The following SEC16A variants were observed in gnomAD, a reference collection of about 807,000 sequenced individuals.
SEC16A encodes SEC16 homolog A, endoplasmic reticulum export factor.
SEC16A carries 110 observed loss-of-function variants against 221.9 expected under a neutral mutation model. The ratio of observed to expected loss-of-function variants is 0.50; its 90% confidence interval spans 0.42 to 0.58. The LOEUF (loss-of-function observed/expected upper bound fraction) is 0.58. Among genes scored for constraint, SEC16A ranks in the 20% least tolerant of loss-of-function variants. The pLI, the probability that SEC16A is intolerant of heterozygous loss-of-function variation, is 0.00. For missense variants in SEC16A, 3,165 were observed against 3,097.8 expected (o/e 1.02, Z -0.52); for synonymous variants, 1,393 against 1,257.7 (o/e 1.11, Z -2.28).
chr9:136,463,392 G>A, intron 11 of SEC16A, 71 bp downstream of exon 11: 1 of 1,570,512 alleles, frequency 6.4e-7, no homozygotes, highest in Non-Finnish European at 8.7e-7. Flanking sequence ...GCTCCTTCGG[G>A]AGGCTGAGCA....
upstream of SEC16A, chr9:136,483,139 A>G: frequency 2.1e-6 from 1 of 469,076 alleles, no homozygotes; most frequent in Non-Finnish European, 2.7e-6. Context: ...GTCGGCCCAG[A>G]CGCGTTCTCT....
intron 13 of SEC16A, among the ~76,000 whole-genome samples, chr9:136,460,904 C>T (rs1478660412): frequency 6.6e-6 from 1 of 152,134 alleles, no homozygotes; most frequent in Non-Finnish European, 1.5e-5. Context: ...CAGAGCAAAA[C>T]TCAAAATTTA....
Position 136,472,008 on chromosome 9 carries a change from C to A in SEC16A, c.3671G>T (p.Arg1224Leu), listed in dbSNP as rs376239396. ...TGGCCGTTCCGAGGAGTGGCTGGCT[C>A]GGGAGCTGGGCCGCTCGGGCTCGGG... ...RYPEPERPSS[R>L]ASHSSERPPP... Residue 1224 changes from arginine to leucine, a missense_variant, in exon 4 of 32, where the codon CGA (arginine) becomes CTA (leucine). Around this residue, in one of 3 missense-constraint regions of SEC16A, gnomAD observed 2,030 missense variants for 1,923.1 expected, o/e 1.06. Transcript: ENST00000684901. The A allele has an allele frequency of 6.2e-7, 1 of 1,611,732 alleles. No individual in the cohort carries two copies. The highest frequency in any genetic ancestry group is 1.1e-5 in the South Asian group (1 of 91,088).
At chr9:136,464,088 C>T (rs1449159211) in intron 9 of SEC16A, among the ~76,000 whole-genome samples, 1 of 152,186 alleles carries the variant, frequency 6.6e-6, no homozygotes, top group Non-Finnish European at 1.5e-5. Context: ...CCCACCCGCC[C>T]CCCTCACCTG....
At position 136,440,571 on chromosome 9, in the gene SEC16A, G is replaced by A. The variant is rs1023265796; in HGVS notation, c.*1184C>T. ...TCTTTTCTTCAGTCTCTTTAGACTTGACAAGAATACGAAGAGTTTCAGAAC... is the reference window on the plus strand; with the variant it reads ...TCTTTTCTTCAGTCTCTTTAGACTTAACAAGAATACGAAGAGTTTCAGAAC... On this transcript the variant is annotated 3_prime_UTR_variant, in exon 32 of 32. Transcript: ENST00000684901. The A allele has an allele frequency of 3.3e-5, 5 of 152,638 alleles. No individual in the cohort carries two copies. The highest frequency in any genetic ancestry group is 3.3e-4 in the Admixed American group (5 of 15,280). The allele number at this position is 152,638 out of a possible 1,614,324, so 9.5% of individuals were successfully genotyped here.
In SEC16A at chr9:136,457,623, G is replaced by A. The variant is rs200659976; in HGVS notation, c.5410-39C>T. On this transcript the variant is annotated intron_variant, in intron 17 of 31. Transcript: ENST00000684901. Reference sequence around the variant, plus strand: ...AGCCTTGCTGCCCTGCGGCTCCCCCGCGTCCGAGCATCGCCGATGGACAAA... The same window carrying A: ...AGCCTTGCTGCCCTGCGGCTCCCCCACGTCCGAGCATCGCCGATGGACAAA... 1,437 of 1,588,458 alleles carry A rather than the reference G, an allele frequency of 9.0e-4. 1 individual carries two copies. The highest frequency in any genetic ancestry group is 2.7e-3 in the African/African-American group (203 of 74,522).
chr9:136,454,581 G>T lies in SEC16A; in HGVS notation c.5858-254C>A, dbSNP rs541538851. 4.0e-3 allele frequency among the ~76,000 whole-genome samples: 607 copies of T among 152,334 alleles called. 6 individuals are homozygous for T. Among genetic ancestry groups the T allele is most frequent in the African/African-American group, 0.014 (578 of 41,570 alleles). ...CAGTCACAGCGGCACGCGGGCTCCA[G>T]GGCCCGGCCCACACGCAAGCCCATG... On this transcript the variant is annotated intron_variant, in intron 20 of 31. Transcript: ENST00000684901.
intron 20 of SEC16A, among the ~76,000 whole-genome samples, chr9:136,454,954 T>C (rs535219401): frequency 1.8e-4 from 27 of 152,104 alleles, no homozygotes; most frequent in Non-Finnish European, 3.4e-4. Flanking sequence ...GGAGTGGACA[T>C]GGCACGAGGG....
At chr9:136,455,926 G>C in intron 19 of SEC16A, 127 bp downstream of exon 19, 1 of 1,186,204 alleles carries the variant, frequency 8.4e-7, no homozygotes, top group Middle Eastern at 2.0e-4. Flanking sequence ...TGGGGAATTA[G>C]GGAATTCTCA....
At chr9:136,483,175 G>T, upstream of SEC16A, 1 of 258,690 alleles carries the variant, frequency 3.9e-6, no homozygotes. Context: ...CCCATCCCTC[G>T]GCCCCGCCCC....
chr9:136,464,242 G>A lies in SEC16A; in HGVS notation c.4446+178C>T, dbSNP rs561036886. Among the ~76,000 whole-genome samples the A allele has an allele frequency of 9.6e-4, 146 of 152,364 alleles. No homozygotes were observed. In the Middle Eastern group the frequency reaches 0.01, roughly 11 times the overall value. On this transcript the variant is annotated intron_variant, in intron 9 of 31. Coordinates refer to ENST00000684901, the MANE Select transcript of SEC16A (RefSeq NM_014866.2). ...CGCTTACAATACTGACTTCTAGGAGGAAAAATATATGATCAAATAGAAGAA... is the reference window on the plus strand; with the variant it reads ...CGCTTACAATACTGACTTCTAGGAGAAAAAATATATGATCAAATAGAAGAA...
At chr9:136,451,939 GT>G (rs1417710746) in intron 22 of SEC16A, among the ~76,000 whole-genome samples, 1 of 152,140 alleles carries the variant, frequency 6.6e-6, no homozygotes, top group African/African-American at 2.4e-5. Context: ...GAAGGGCTGG[GT>G]ATCTGTAAAG....
intron 23 of SEC16A, among the ~76,000 whole-genome samples, chr9:136,449,289 C>G (rs1334434747): frequency 2.0e-5 from 3 of 152,210 alleles, no homozygotes; most frequent in Admixed American, 2.0e-4. Flanking sequence ...CTCGCTCTGT[C>G]CCCCAGGCTG....
At chr9:136,445,192 A>AT in intron 29 of SEC16A, 81 bp from the exon 30 acceptor site, 1 of 1,248,386 alleles carries the variant, frequency 8.0e-7, no homozygotes, top group South Asian at 1.3e-5. Context: ...TGTCAGTTCC[A>AT]TTTCAAAAGC....
rs755219079 is a variant in SEC16A, at chr9:136,477,200, T to C, written c.416A>G (p.Asn139Ser). 7 of 1,613,774 alleles carry C rather than the reference T, an allele frequency of 4.3e-6. No homozygotes were observed. In the South Asian group the frequency reaches 6.6e-5, roughly 15 times the overall value. Residue 139 changes from asparagine (N) to serine (S), a missense_variant, in exon 3 of 32, where the codon AAC becomes AGC. Asn to Ser is a conservative substitution (Grantham distance 46). This residue lies in a region of SEC16A where 2,030 missense variants were observed against 1,923.1 expected (regional missense o/e 1.06). Coordinates refer to ENST00000684901, the MANE Select transcript of SEC16A (RefSeq NM_014866.2). ...ACTGGGACCGACCTCTGCACTCCTG[T>C]TCATCTCAGGCCCAGGAGGTGCTGA... ...TPSAPPGPEM[N>S]RSAEVGPSSE... is the part of the protein sequence containing the mutation.
chr9:136,458,472 C>T (rs1839017606), intron 17 of SEC16A, among the ~76,000 whole-genome samples: 1 of 151,192 alleles, frequency 6.6e-6, no homozygotes, highest in Non-Finnish European at 1.5e-5. Context: ...ACTAAAAATA[C>T]AAAAAATTAG....
intron 11 of SEC16A, among the ~76,000 whole-genome samples, 164 bp from the exon 12 acceptor site, chr9:136,463,296 C>T (rs796462449): frequency 9.8e-5 from 15 of 152,348 alleles, no homozygotes; most frequent in African/African-American, 3.6e-4. Context: ...ACCGCACGTT[C>T]CCTCTCCCTC....
In SEC16A at chr9:136,477,352, C is replaced by A. The variant is rs374108015; in HGVS notation, c.264G>T (p.Gln88His). The A allele has an allele frequency of 5.0e-6, 8 of 1,613,848 alleles. No homozygotes were observed. In the Admixed American group the frequency reaches 8.3e-5, roughly 17 times the overall value. The change falls in exon 3 of 32, where the codon CAG becomes CAT. Residue 88 changes from glutamine (Q) to histidine (H), a missense_variant. This residue lies in a region of SEC16A where 2,030 missense variants were observed against 1,923.1 expected (regional missense o/e 1.06). Coordinates refer to ENST00000684901, the MANE Select transcript of SEC16A (RefSeq NM_014866.2). ...TGTGAGGAACAAGCAAACCGGGGTGCTGAGAAAACCCTGCGGGGGCTGGGC... is the reference window on the plus strand; with the variant it reads ...TGTGAGGAACAAGCAAACCGGGGTGATGAGAAAACCCTGCGGGGGCTGGGC... ...LQGPAPAGFS[Q>H]HPGLLVPHTH...
At position 136,477,146 on chromosome 9, in the gene SEC16A, T is replaced by C; in HGVS notation, c.470A>G (p.Tyr157Cys). The C allele has an allele frequency of 2.5e-6, 4 of 1,613,788 alleles. No homozygotes were observed. The highest frequency in any genetic ancestry group is 1.3e-5 in the African/African-American group (1 of 75,028). Residue 157 changes from tyrosine (Y) to cysteine (C), a missense_variant, in exon 3 of 32, where the codon TAT (tyrosine) becomes TGT (cysteine). By Grantham distance (194) the Tyr-to-Cys change is radical. Coordinates refer to ENST00000684901, the MANE Select transcript of SEC16A (RefSeq NM_014866.2). Reference protein sequence around the residue: ...SSEPEVQTLPYLPHYIPGVDP... With the variant: ...SSEPEVQTLPCLPHYIPGVDP... ...CACTCCTGGAATGTAGTGAGGAAGA[T>C]ATGGCAGAGTCTGAACTTCAGGCTC...
Sources: gnomAD v4.1 joint callset for allele counts (sites outside exome capture counted in the v4.1 genomes callset) on GRCh38, gnomAD v4.1.1 for gene constraint, gnomAD v4.1.1 regional missense constraint, MANE v1.5 for transcripts, NCBI Gene and HGNC (gene_info 2026-07-23, HGNC 2026-07-21) for gene names.